The following CSGALNACT1 variants were observed in gnomAD, a reference collection of about 807,000 sequenced individuals.
CSGALNACT1 encodes beta4GalNAcT-1.
Under a neutral mutation model 51.0 loss-of-function variants are expected in CSGALNACT1, and 52 were observed. That is an observed-to-expected ratio of 1.02 (90% confidence interval 0.82 to 1.29). The LOEUF (loss-of-function observed/expected upper bound fraction) is 1.29. CSGALNACT1 is among the 50% of genes most tolerant of loss of function. The pLI is 0.00. For missense variants in CSGALNACT1, 935 were observed against 679.2 expected, an observed-to-expected ratio of 1.38 and a Z score of -4.19; for synonymous variants, 341 against 254.4, an observed-to-expected ratio of 1.34 and a Z score of -3.24.
chr8:19,645,570 G>A (rs901697650), intron 1 of CSGALNACT1, among the ~76,000 whole-genome samples: 6 of 152,242 alleles, frequency 3.9e-5, no homozygotes, highest in Non-Finnish European at 1.5e-5. Context: ...ACCTCGAAGG[G>A]TGGGCGTAAG....
At chr8:19,570,667 C>T (rs771412176) in intron 3 of CSGALNACT1, among the ~76,000 whole-genome samples, 1 of 152,040 alleles carries the variant, frequency 6.6e-6, no homozygotes, top group Non-Finnish European at 1.5e-5. Flanking sequence ...TTTGGGAGGC[C>T]GAAGTGGGCA....
chr8:19,739,945 C>T (rs1003202041), intron 1 of CSGALNACT1, among the ~76,000 whole-genome samples: 1 of 152,282 alleles, frequency 6.6e-6, no homozygotes, highest in East Asian at 1.9e-4. Context: ...TCCTGTAGAC[C>T]AGCAGATACT....
chr8:19,701,476 A>G (rs1307743016), intron 1 of CSGALNACT1, among the ~76,000 whole-genome samples: 1 of 152,038 alleles, frequency 6.6e-6, no homozygotes, highest in Non-Finnish European at 1.5e-5. Context: ...TTAAGACACC[A>G]AAGCAGTGCC....
upstream of CSGALNACT1, among the ~76,000 whole-genome samples, chr8:19,604,382 C>G (rs1415534111): frequency 6.6e-6 from 1 of 152,212 alleles, no homozygotes; most frequent in Admixed American, 6.5e-5. Context: ...TACACATGAA[C>G]TCATTCCAAC....
intron 1 of CSGALNACT1, chr8:19,688,612 C>A (rs1180461423): frequency 6.6e-6 from 1 of 152,176 alleles, no homozygotes; most frequent in Non-Finnish European, 1.5e-5. Context: ...GACTCCTTCC[C>A]TTCACCCTAT....
At chr8:19,506,761 TATA>T (rs1031278437) in intron 3 of CSGALNACT1, among the ~76,000 whole-genome samples, 1 of 152,204 alleles carries the variant, frequency 6.6e-6, no homozygotes, top group African/African-American at 2.4e-5. Flanking sequence ...GCTCCCACCA[TATA>T]ATGCCTGCTG....
intron 3 of CSGALNACT1, among the ~76,000 whole-genome samples, chr8:19,563,690 C>A (rs189254669): frequency 2.2e-4 from 33 of 152,290 alleles, no homozygotes; most frequent in African/African-American, 7.0e-4. Flanking sequence ...TCTAAGCAGT[C>A]TCCACCTCCA....
At chr8:19,585,089 T>C (rs2046339748) in intron 3 of CSGALNACT1, 1 of 152,218 alleles carries the variant, frequency 6.6e-6, no homozygotes, top group South Asian at 2.1e-4. Context: ...CCCAGGGTTA[T>C]TAAAGAGAAT....
chr8:19,455,011 A>T lies in CSGALNACT1; in HGVS notation c.851+3415T>A, dbSNP rs574529699. Among the ~76,000 whole-genome samples the T allele has an allele frequency of 3.3e-5, 5 of 152,328 alleles. No individual in the cohort carries two copies. In the East Asian group the frequency reaches 5.8e-4, roughly 18 times the overall value. Reference sequence around the variant, plus strand: ...GTATAGTATATCTCATGTTGCACTGACTTATTCCCAGCTGGCAAGCAATTC... The same window carrying T: ...GTATAGTATATCTCATGTTGCACTGTCTTATTCCCAGCTGGCAAGCAATTC... On this transcript the variant is annotated intron_variant, in intron 5 of 9. Transcript: ENST00000454498.
intron 1 of CSGALNACT1, among the ~76,000 whole-genome samples, chr8:19,662,797 G>C (rs1351939673): frequency 6.6e-6 from 1 of 152,110 alleles, no homozygotes; most frequent in East Asian, 1.9e-4. Context: ...CTGAGCAGTG[G>C]AGAGACAGCA....
At chr8:19,600,104 G>A (rs2050081041) in intron 2 of CSGALNACT1, among the ~76,000 whole-genome samples, 1 of 150,516 alleles carries the variant, frequency 6.6e-6, no homozygotes, top group South Asian at 2.1e-4. Context: ...CATTCATTTA[G>A]AGACAGAGTT....
chr8:19,735,884 T>C (rs1038499805), intron 1 of CSGALNACT1, among the ~76,000 whole-genome samples: 3 of 152,116 alleles, frequency 2.0e-5, no homozygotes, highest in Non-Finnish European at 2.9e-5. Context: ...TGAACAAATA[T>C]ATAGCATAGA....
Position 19,622,600 on chromosome 8 carries a change from T to A in CSGALNACT1, c.-543-20735A>T, listed in dbSNP as rs28652790. On this transcript the variant is annotated intron_variant, in intron 1 of 9. Transcript: ENST00000332246. Reference sequence around the variant, plus strand: ...CATATAAATTTGAAAGGGGTATAAATGGAGTTAAAAGTATTTTAAAGCCCT... The same window carrying A: ...CATATAAATTTGAAAGGGGTATAAAAGGAGTTAAAAGTATTTTAAAGCCCT... Among the ~76,000 whole-genome samples, 759 of 152,322 alleles carry A rather than the reference T, an allele frequency of 5.0e-3. 11 individuals carry two copies. The highest frequency in any genetic ancestry group is 0.017 in the African/African-American group (725 of 41,566).
At chr8:19,509,431 C>G (rs1179250997) in intron 3 of CSGALNACT1, among the ~76,000 whole-genome samples, 1 of 151,780 alleles carries the variant, frequency 6.6e-6, no homozygotes, top group East Asian at 1.9e-4. Flanking sequence ...ACCAGCCGGC[C>G]AACATGGTAA....
At chr8:19,666,199 AG>A (rs2059160882) in intron 1 of CSGALNACT1, among the ~76,000 whole-genome samples, 1 of 152,218 alleles carries the variant, frequency 6.6e-6, no homozygotes, top group South Asian at 2.1e-4. Context: ...GTATTCTAAC[AG>A]TGTTCTTGCC....
At chr8:19,408,244 T>A (rs17128368) in intron 9 of CSGALNACT1, among the ~76,000 whole-genome samples, 1 of 152,076 alleles carries the variant, frequency 6.6e-6, no homozygotes, top group East Asian at 1.9e-4. Flanking sequence ...GTGGAGATCA[T>A]AGGGGCTAAA....
At chr8:19,417,005 G>A (rs2057019833) in intron 8 of CSGALNACT1, among the ~76,000 whole-genome samples, 1 of 152,046 alleles carries the variant, frequency 6.6e-6, no homozygotes, top group Non-Finnish European at 1.5e-5. Flanking sequence ...GTAGGTGTGT[G>A]CCACTATGCA....
intron 4 of CSGALNACT1, among the ~76,000 whole-genome samples, chr8:19,493,015 T>C (rs985243663): frequency 1.3e-5 from 2 of 150,666 alleles, no homozygotes; most frequent in African/African-American, 4.9e-5. Flanking sequence ...AGAAAGAGAA[T>C]CGACATCAAT....
intron 3 of CSGALNACT1, among the ~76,000 whole-genome samples, chr8:19,556,509 G>A (rs774790034): frequency 1.2e-4 from 18 of 152,086 alleles, no homozygotes; most frequent in Non-Finnish European, 2.2e-4. Context: ...ATTTGGCTTT[G>A]GCATCAATTC....
Sources: allele counts gnomAD v4.1 joint callset (sites outside exome capture counted in the v4.1 genomes callset), GRCh38; gene constraint gnomAD v4.1.1; transcripts MANE v1.5; gene names NCBI Gene and HGNC (gene_info 2026-07-23, HGNC 2026-07-21).